PBX3: variants seen among roughly 807,000 people sequenced by gnomAD.
PBX3 encodes the protein pre-B-cell leukemia transcription factor 3.
PBX3 carries 14 observed loss-of-function variants against 48.5 expected under a neutral mutation model. The observed-to-expected ratio is 0.29, with a 90% CI of 0.19 to 0.45. The LOEUF (loss-of-function observed/expected upper bound fraction) is 0.45. PBX3 is among the 20% of genes least tolerant of loss of function. The pLI, the probability that PBX3 is intolerant of heterozygous loss-of-function variation, is 1.00. For missense variants in PBX3, 386 were observed against 546.7 expected (o/e 0.71, Z 2.93); for synonymous variants, 210 against 200.3 (o/e 1.05, Z -0.41).
At chr9:125,784,902 C>G (rs973126520) in intron 2 of PBX3, among the ~76,000 whole-genome samples, 1 of 152,114 alleles carries the variant, frequency 6.6e-6, no homozygotes, top group Admixed American at 6.5e-5. Context: ...GAGCATGTGT[C>G]CTGCCCTGAG....
chr9:125,944,498 A>G (rs1842026353), intron 5 of PBX3, among the ~76,000 whole-genome samples: 1 of 152,190 alleles, frequency 6.6e-6, no homozygotes, highest in Admixed American at 6.5e-5. Flanking sequence ...GGAAACAGAC[A>G]GATGTGTTAC....
chr9:125,922,200 A>C (rs942174152), intron 3 of PBX3, among the ~76,000 whole-genome samples: 1 of 152,202 alleles, frequency 6.6e-6, no homozygotes, highest in Non-Finnish European at 1.5e-5. Context: ...TGAGAATCCA[A>C]ATATTTTAAA....
intron 1 of PBX3, chr9:125,748,291 G>A (rs1366348431): frequency 1.8e-6 from 2 of 1,103,392 alleles, no homozygotes; most frequent in African/African-American, 1.7e-5. Context: ...CCCCGCGCGG[G>A]TTCGCGTCGC....
intron 3 of PBX3, among the ~76,000 whole-genome samples, chr9:125,923,686 C>T (rs1269805841): frequency 6.6e-6 from 1 of 152,080 alleles, no homozygotes; most frequent in African/African-American, 2.4e-5. Flanking sequence ...CTACCTCAGC[C>T]TCCTGAGTAG....
chr9:125,757,163 C>T lies in PBX3; in HGVS notation c.274+8540C>T, dbSNP rs1007253876. ...TAAAAAATATATATATTTGAAATGG[C>T]AAGCTTAAATGTGCATCTTACCTTT... On this transcript the variant is annotated intron_variant, in intron 2 of 8. Transcript: ENST00000373489. Among the ~76,000 whole-genome samples, 8 of 151,932 alleles carry T rather than the reference C, an allele frequency of 5.3e-5. No individual in the cohort carries two copies. The East Asian group carries it at 7.7e-4, about 15-fold the overall frequency.
intron 2 of PBX3, among the ~76,000 whole-genome samples, chr9:125,825,337 A>G (rs1304510045): frequency 1.3e-5 from 2 of 152,182 alleles, no homozygotes; most frequent in Admixed American, 6.5e-5. Flanking sequence ...TATGTGGGTT[A>G]TATTTATTAG....
intron 2 of PBX3, among the ~76,000 whole-genome samples, chr9:125,821,602 G>A (rs1327172267): frequency 1.3e-5 from 2 of 152,060 alleles, no homozygotes. Context: ...GGTTTTCCCA[G>A]ATCTCAAAGA....
At chr9:125,804,393 C>A (rs1838057776) in intron 2 of PBX3, among the ~76,000 whole-genome samples, 1 of 152,088 alleles carries the variant, frequency 6.6e-6, no homozygotes, top group East Asian at 1.9e-4. Context: ...GATGGCTAAG[C>A]CCTTGTGCTG....
Position 125,817,728 on chromosome 9 carries a change from C to G in PBX3, c.274+69105C>G, listed in dbSNP as rs184204677. Among the ~76,000 whole-genome samples, 12 of 152,318 alleles carry G rather than the reference C, an allele frequency of 7.9e-5. 1 individual carries two copies. Among genetic ancestry groups the G allele is most frequent in the African/African-American group, 2.6e-4 (11 of 41,566 alleles). Reference sequence around the variant, plus strand: ...GATTCTAACTCACTGTAAAGTCTTACATCTTATTTTTTTTGTCCTACAAAT... The same window carrying G: ...GATTCTAACTCACTGTAAAGTCTTAGATCTTATTTTTTTTGTCCTACAAAT... On this transcript the variant is annotated intron_variant, in intron 2 of 8. Transcript: ENST00000373489.
chr9:125,940,722 C>T (rs1051177548), intron 5 of PBX3, among the ~76,000 whole-genome samples: 19 of 151,994 alleles, frequency 1.3e-4, no homozygotes, highest in African/African-American at 4.3e-4. Context: ...AAAAGAAGTG[C>T]TTGATTTCAT....
chr9:125,826,730 T>C (rs978201810), intron 2 of PBX3, among the ~76,000 whole-genome samples: 2 of 152,168 alleles, frequency 1.3e-5, no homozygotes, highest in African/African-American at 2.4e-5. Context: ...CCCTTAATTA[T>C]GGACATATTT....
intron 2 of PBX3, among the ~76,000 whole-genome samples, chr9:125,847,832 T>G (rs1839468689): frequency 6.6e-6 from 1 of 151,836 alleles, no homozygotes; most frequent in Non-Finnish European, 1.5e-5. Context: ...ACCTGTAGAA[T>G]GGTTGTAATT....
At chr9:125,926,316 T>TAA (rs1841574558) in intron 3 of PBX3, among the ~76,000 whole-genome samples, 1 of 151,788 alleles carries the variant, frequency 6.6e-6, no homozygotes, top group Non-Finnish European at 1.5e-5. Context: ...GGTCAGGAGT[T>TAA]CGAGACCAGC....
At chr9:125,857,525 G>C (rs561242217) in intron 2 of PBX3, among the ~76,000 whole-genome samples, 4 of 151,922 alleles carry the variant, frequency 2.6e-5, no homozygotes, top group Non-Finnish European at 5.9e-5. Flanking sequence ...TCTCCCATCT[G>C]ACCCCCAGTA....
chr9:125,941,201 A>T (rs1388151386), intron 5 of PBX3, among the ~76,000 whole-genome samples: 4 of 152,200 alleles, frequency 2.6e-5, no homozygotes, highest in Non-Finnish European at 5.9e-5. Flanking sequence ...AGTCATGTGG[A>T]TAATCAGTGA....
At chr9:125,853,032 A>C (rs992710018) in intron 2 of PBX3, among the ~76,000 whole-genome samples, 4 of 151,606 alleles carry the variant, frequency 2.6e-5, no homozygotes, top group Non-Finnish European at 4.4e-5. Context: ...GTCTAAAAAC[A>C]TTCTTTTTCT....
intron 2 of PBX3, among the ~76,000 whole-genome samples, chr9:125,783,298 C>A (rs532270492): frequency 6.6e-6 from 1 of 151,758 alleles, no homozygotes; most frequent in Non-Finnish European, 1.5e-5. Flanking sequence ...TATTCTTTTT[C>A]TTTTTTTGAG....
intron 5 of PBX3, among the ~76,000 whole-genome samples, chr9:125,939,680 A>G (rs1047194414): frequency 1.3e-4 from 20 of 152,220 alleles, no homozygotes; most frequent in African/African-American, 4.3e-4. Flanking sequence ...CCATTTGTCC[A>G]CGGACTGGAG....
At chr9:125,843,994 A>G (rs887373756) in intron 2 of PBX3, among the ~76,000 whole-genome samples, 1 of 152,234 alleles carries the variant, frequency 6.6e-6, no homozygotes, top group Non-Finnish European at 1.5e-5. Context: ...GCAGTGGTGA[A>G]GGTTTATAAA....
Sources: allele counts gnomAD v4.1 joint callset (sites outside exome capture counted in the v4.1 genomes callset), GRCh38; gene constraint gnomAD v4.1.1; transcripts MANE v1.5; gene names NCBI Gene and HGNC (gene_info 2026-07-23, HGNC 2026-07-21).